LPP: variants seen among roughly 807,000 people sequenced by gnomAD.
The protein encoded by LPP is LIM domain containing preferred translocation partner in lipoma, also known as lipoma-preferred partner.
Under a neutral mutation model 60.4 loss-of-function variants are expected in LPP, and 38 were observed. That is an observed-to-expected ratio of 0.63 (90% CI 0.49 to 0.83). The LOEUF (loss-of-function observed/expected upper bound fraction) is 0.83, where lower values mean the gene tolerates loss of function less well. Among genes scored for constraint, LPP ranks in the 40% least tolerant of loss-of-function variants. The pLI, the probability that LPP is intolerant of heterozygous loss-of-function variation, is 0.00. For synonymous variants in LPP, 328 were observed against 290.8 expected (o/e 1.13, Z -1.30); for missense variants, 902 against 783.6 (o/e 1.15, Z -1.80).
Position 188,884,576 on chromosome 3 carries a change from A to G in LPP, c.*10097A>G, listed in dbSNP as rs573067450. The G allele has an allele frequency of 1.2e-4, 27 of 230,106 alleles. No homozygotes were observed. Among genetic ancestry groups the G allele is most frequent in the Admixed American group, 5.1e-4 (9 of 17,678 alleles). The allele number at this position is 230,106 out of a possible 1,614,324, so 14.3% of individuals were successfully genotyped here. Reference sequence around the variant, plus strand: ...GGCAGAAGGAAGCACATTGCAATAAATTTCCCCAGAGAGAGTTCCTTTACA... The same window carrying G: ...GGCAGAAGGAAGCACATTGCAATAAGTTTCCCCAGAGAGAGTTCCTTTACA... On this transcript the variant is annotated 3_prime_UTR_variant, in exon 12 of 12. Coordinates refer to ENST00000617246, the MANE Select transcript of LPP (RefSeq NM_001375462.1).
chr3:188,334,509 G>A (rs1301053959), intron 2 of LPP, among the ~76,000 whole-genome samples: 22 of 111,936 alleles, frequency 2.0e-4, no homozygotes, highest in African/African-American at 7.1e-4. Context: ...TGCAAGCTCC[G>A]CCTCCTGGCC....
At chr3:188,429,064 C>T (rs1489100170) in intron 4 of LPP, among the ~76,000 whole-genome samples, 1 of 152,120 alleles carries the variant, frequency 6.6e-6, no homozygotes, top group Non-Finnish European at 1.5e-5. Context: ...TATAGTGAGA[C>T]AGCACTAGAG....
At chr3:188,221,472 A>G (rs1715755208) in intron 1 of LPP, among the ~76,000 whole-genome samples, 1 of 152,216 alleles carries the variant, frequency 6.6e-6, no homozygotes, top group African/African-American at 2.4e-5. Flanking sequence ...AGAAGGTGTT[A>G]GCAAACCTCT....
At chr3:188,773,021 G>A (rs17672655) in intron 9 of LPP, among the ~76,000 whole-genome samples, 13,807 of 152,100 alleles carry the variant, frequency 0.091, 638 homozygotes, top group Middle Eastern at 0.11. Context: ...TGAGAGTGAA[G>A]CCAGCTGTCT....
chr3:188,859,523 C>G (rs2151933587), intron 9 of LPP, among the ~76,000 whole-genome samples: 1 of 152,300 alleles, frequency 6.6e-6, no homozygotes, highest in South Asian at 2.1e-4. Context: ...CATTGAGAAC[C>G]TTTGAGGGCA....
At chr3:188,785,556 ACACACACACACACACACATACC>A (rs1741562779) in intron 9 of LPP, among the ~76,000 whole-genome samples, 1 of 140,674 alleles carries the variant, frequency 7.1e-6, no homozygotes, top group Non-Finnish European at 1.5e-5. Flanking sequence ...ATACACACAC[ACACACACACACACACACATACC>A]CACACATCCC....
chr3:188,679,243 C>T (rs1858855428), intron 7 of LPP, among the ~76,000 whole-genome samples: 1 of 152,146 alleles, frequency 6.6e-6, no homozygotes, highest in African/African-American at 2.4e-5. Context: ...ACTGGAAAGC[C>T]TTCCTCATGA....
chr3:188,492,781 AAAAAT>A (rs1455889690), intron 5 of LPP, among the ~76,000 whole-genome samples: 1 of 152,186 alleles, frequency 6.6e-6, no homozygotes, highest in African/African-American at 2.4e-5. Context: ...TCTATGAGGG[AAAAAT>A]TATGATCTGC....
intron 7 of LPP, among the ~76,000 whole-genome samples, chr3:188,631,121 A>G (rs532639848): frequency 5.9e-4 from 90 of 152,296 alleles, no homozygotes; most frequent in African/African-American, 2.1e-3. Flanking sequence ...AACCCCTGGG[A>G]CACACAACTT....
chr3:188,648,432 G>A (rs1851490273), intron 7 of LPP, among the ~76,000 whole-genome samples: 1 of 152,140 alleles, frequency 6.6e-6, no homozygotes, highest in Non-Finnish European at 1.5e-5. Flanking sequence ...ACTGGCTTAT[G>A]AGGTTTCCAT....
intron 5 of LPP, among the ~76,000 whole-genome samples, chr3:188,504,859 G>A (rs1812994810): frequency 6.6e-6 from 1 of 151,844 alleles, no homozygotes; most frequent in South Asian, 2.1e-4. Context: ...AGTGAGAGGG[G>A]CAACACTAAT....
chr3:188,199,017 A>G (rs1730297077), intron 1 of LPP, among the ~76,000 whole-genome samples: 1 of 152,174 alleles, frequency 6.6e-6, no homozygotes, highest in African/African-American at 2.4e-5. Flanking sequence ...TCTGTGCTCC[A>G]CAATGCCTGG....
intron 6 of LPP, among the ~76,000 whole-genome samples, chr3:188,582,401 G>A (rs1340939022): frequency 3.3e-5 from 5 of 150,944 alleles, no homozygotes; most frequent in African/African-American, 9.7e-5. Flanking sequence ...GTCTTGTCTC[G>A]AACTCCTGAC....
chr3:188,303,823 A>C (rs1029476289), intron 2 of LPP, among the ~76,000 whole-genome samples: 1 of 152,194 alleles, frequency 6.6e-6, no homozygotes, highest in Non-Finnish European at 1.5e-5. Context: ...GGCCAATGAT[A>C]ATTTACAAAA....
Position 188,609,918 on chromosome 3 carries a change from C to A in LPP, c.1113+74C>A. 7.1e-7 allele frequency: 1 copy of A among 1,410,624 alleles called. No individual in the cohort carries two copies. The highest frequency in any genetic ancestry group is 9.6e-7 in the Non-Finnish European group (1 of 1,037,668). 87.4% of individuals were successfully genotyped at this position (1,410,624 alleles called of 1,614,324 possible). On this transcript the variant is annotated intron_variant, in intron 7 of 11. Transcript: ENST00000617246. This position sits in a 1 kb window ranked among gnomAD's most constrained non-coding sequence, Gnocchi z 6.9. ...AGTCTGCCTTCCCCAGGAAGCGAAG[C>A]CTAAGGCAAAAGTGTGTGTGTTACT... is the stretch of plus-strand genomic sequence containing the variant.
At chr3:188,782,746 A>C (rs546128504) in intron 9 of LPP, among the ~76,000 whole-genome samples, 10 of 151,704 alleles carry the variant, frequency 6.6e-5, no homozygotes, top group African/African-American at 1.7e-4. Flanking sequence ...TGGGAAAAAA[A>C]AAAACAAAAC....
At position 188,352,950 on chromosome 3, in the gene LPP, G is replaced by A. The variant is rs949951546; in HGVS notation, c.-10+11231G>A. On this transcript the variant is annotated intron_variant, in intron 3 of 11. Coordinates refer to ENST00000617246, the MANE Select transcript of LPP (RefSeq NM_001375462.1). The surrounding 1 kb of genome is among the most constrained non-coding windows in gnomAD (Gnocchi z 4.4). Reference sequence around the variant, plus strand: ...GGGAGAATGTTTCTTATCAGATTCCGCAGATGGGTTCCTTGAGAAGTGAGT... The same window carrying A: ...GGGAGAATGTTTCTTATCAGATTCCACAGATGGGTTCCTTGAGAAGTGAGT... Among the ~76,000 whole-genome samples, 7 of 152,264 alleles carry A rather than the reference G, an allele frequency of 4.6e-5. No individual in the cohort carries two copies. The South Asian group carries it at 6.2e-4, about 14-fold the overall frequency.
At chr3:188,758,159 C>T (rs1393489339) in intron 8 of LPP, among the ~76,000 whole-genome samples, 4 of 151,820 alleles carry the variant, frequency 2.6e-5, no homozygotes, top group Non-Finnish European at 5.9e-5. Flanking sequence ...TTTTCCAGCA[C>T]TTCATATTTC....
chr3:188,251,955 A>G (rs1425183641), intron 2 of LPP, among the ~76,000 whole-genome samples: 1 of 146,940 alleles, frequency 6.8e-6, no homozygotes, highest in African/African-American at 2.5e-5. Context: ...TCTCTCAGAT[A>G]TTTGCTCCAC....
Sources: gnomAD v4.1 joint callset for allele counts (sites outside exome capture counted in the v4.1 genomes callset) on GRCh38, gnomAD v4.1.1 for gene constraint, Gnocchi (gnomAD v3.1) non-coding constraint, MANE v1.5 for transcripts, NCBI Gene and HGNC (gene_info 2026-07-23, HGNC 2026-07-21) for gene names.